FBXO28: variants seen among roughly 807,000 people sequenced by gnomAD.
FBXO28 encodes the protein F-box protein 28.
Under a neutral mutation model 38.1 loss-of-function variants are expected in FBXO28, and 8 were observed. The observed-to-expected ratio is 0.21, with a 90% CI of 0.12 to 0.38. FBXO28 has a LOEUF of 0.38. Among genes scored for constraint, FBXO28 ranks in the 10% least tolerant of loss-of-function variants. FBXO28 has a pLI of 1.00. For synonymous variants in FBXO28, 168 were observed against 173.8 expected (o/e 0.97, Z 0.26); for missense variants, 345 against 460.6 (o/e 0.75, Z 2.30).
chr1:224,114,466 G>A (rs1656596203), intron 1 of FBXO28, 70 bp downstream of exon 1: 3 of 1,339,678 alleles, frequency 2.2e-6, no homozygotes, highest in South Asian at 1.5e-5. Flanking sequence ...AAGGGAGCGC[G>A]TTCCCCGGGA....
At chr1:224,132,784 G>A (rs555731232) in intron 2 of FBXO28, among the ~76,000 whole-genome samples, 26 of 147,756 alleles carry the variant, frequency 1.8e-4, no homozygotes, top group East Asian at 9.9e-4. Context: ...CAGCCTGGGC[G>A]ACAGAGTGAG....
intron 3 of FBXO28, among the ~76,000 whole-genome samples, chr1:224,136,985 C>A (rs1253933472): frequency 6.6e-6 from 1 of 151,394 alleles, no homozygotes; most frequent in East Asian, 2.0e-4. Flanking sequence ...CTCCTGATCT[C>A]AAGTGATCCG....
intron 1 of FBXO28, among the ~76,000 whole-genome samples, chr1:224,125,645 T>C (rs1435072839): frequency 3.3e-5 from 5 of 151,386 alleles, no homozygotes; most frequent in African/African-American, 1.2e-4. Flanking sequence ...TCATTCTCTT[T>C]TTTTTTTTTT....
intron 1 of FBXO28, among the ~76,000 whole-genome samples, chr1:224,121,411 C>T (rs1656771311): frequency 6.6e-6 from 1 of 152,112 alleles, no homozygotes; most frequent in South Asian, 2.1e-4. Context: ...TGTAATTCTA[C>T]CAGCAGATAA....
At chr1:224,147,764 G>T (rs748538721) in intron 3 of FBXO28, among the ~76,000 whole-genome samples, 8 of 150,142 alleles carry the variant, frequency 5.3e-5, no homozygotes, top group South Asian at 4.2e-4. Context: ...CCTTCCTAAG[G>T]CCTGTGGTCT....
Position 224,158,305 on chromosome 1 carries a change from C to T in FBXO28, c.*559C>T. ...ATAGTATTGACTGTAGAAGGAGCCT[C>T]TACAATATTGACTATATATTTTTAT... On this transcript the variant is annotated 3_prime_UTR_variant, in exon 5 of 5. Transcript: ENST00000366862. 1.3e-6 allele frequency: 1 copy of T among 773,362 alleles called. No homozygotes were observed. Among genetic ancestry groups the T allele is most frequent in the South Asian group, 5.9e-5 (1 of 17,020 alleles). 47.9% of individuals were successfully genotyped at this position (773,362 alleles called of 1,614,324 possible). A position where few individuals can be genotyped will look rare whatever the true frequency, so the allele number is the denominator to read the frequency against.
In FBXO28 at chr1:224,162,005, G is replaced by A. The variant is rs748924158; in HGVS notation, c.*4259G>A. 2 of 152,112 alleles carry A rather than the reference G, an allele frequency of 1.3e-5. No homozygotes were observed. The highest frequency in any genetic ancestry group is 6.6e-5 in the Admixed American group (1 of 15,260). The allele number at this position is 152,112 out of a possible 1,614,324, so 9.4% of individuals were successfully genotyped here. A position where few individuals can be genotyped will look rare whatever the true frequency, so the allele number is the denominator to read the frequency against. On this transcript the variant is annotated 3_prime_UTR_variant, in exon 5 of 5. Coordinates refer to ENST00000366862, the MANE Select transcript of FBXO28 (RefSeq NM_015176.4). ...TATTGGAAAGTGAAAAACACCTCCC[G>A]GTCACACAACAGGGTACGTAAATAA...
Position 224,160,978 on chromosome 1 carries a change from C to T in FBXO28, c.*3232C>T, listed in dbSNP as rs2102641122. On this transcript the variant is annotated 3_prime_UTR_variant, in exon 5 of 5. Transcript: ENST00000366862. ...CTATGTGTAATAAAAATAATGGCAC[C>T]TTAAGATTGCACTATTTTATGCATT... The T allele has an allele frequency of 6.6e-6, 1 of 152,236 alleles. No homozygotes were observed. Among genetic ancestry groups the T allele is most frequent in the African/African-American group, 2.4e-5 (1 of 41,542 alleles). The allele number at this position is 152,236 out of a possible 1,614,324, so 9.4% of individuals were successfully genotyped here.
chr1:224,149,021 C>T (rs532268170), intron 3 of FBXO28, among the ~76,000 whole-genome samples: 6 of 152,230 alleles, frequency 3.9e-5, no homozygotes, highest in African/African-American at 1.4e-4. Context: ...TGGATAGGAT[C>T]TGTGTCTTAT....
In FBXO28 at chr1:224,132,047, G is replaced by A. The variant is rs142852690; in HGVS notation, c.377+1466G>A. Reference sequence around the variant, plus strand: ...GTGGGTGGATCACCTGAGGTCAGGAGTTCAAGACCAGCCTGGGCAGCATAG... The same window carrying A: ...GTGGGTGGATCACCTGAGGTCAGGAATTCAAGACCAGCCTGGGCAGCATAG... On this transcript the variant is annotated intron_variant, in intron 2 of 4. Transcript: ENST00000366862. 1.7e-4 allele frequency among the ~76,000 whole-genome samples: 26 copies of A among 152,268 alleles called. No individual in the cohort carries two copies. The East Asian group carries it at 4.8e-3, about 28-fold the overall frequency.
chr1:224,155,783 G>A (rs1010914735), intron 4 of FBXO28, among the ~76,000 whole-genome samples: 7 of 152,258 alleles, frequency 4.6e-5, no homozygotes, highest in Admixed American at 2.0e-4. Context: ...CCTATTATGC[G>A]CACAGCACTG....
At chr1:224,157,116 C>T (rs1483703691) in intron 4 of FBXO28, among the ~76,000 whole-genome samples, 2 of 152,080 alleles carry the variant, frequency 1.3e-5, no homozygotes, top group African/African-American at 4.8e-5. Flanking sequence ...TGCCCTTCTC[C>T]GTTTCCTGGC....
At chr1:224,123,310 G>C (rs1312499876) in intron 1 of FBXO28, among the ~76,000 whole-genome samples, 1 of 151,822 alleles carries the variant, frequency 6.6e-6, no homozygotes, top group African/African-American at 2.4e-5. Context: ...TTGGGAGACC[G>C]AGGTGGGTGG....
intron 3 of FBXO28, among the ~76,000 whole-genome samples, chr1:224,139,689 C>T (rs750851097): frequency 1.3e-5 from 2 of 151,940 alleles, no homozygotes; most frequent in African/African-American, 2.4e-5. Flanking sequence ...TGCAGTGAGC[C>T]GAGATTGCGC....
At chr1:224,143,884 C>T (rs1657432313) in intron 3 of FBXO28, among the ~76,000 whole-genome samples, 1 of 150,238 alleles carries the variant, frequency 6.7e-6, no homozygotes, top group Non-Finnish European at 1.5e-5. Flanking sequence ...TGGTGGCTCA[C>T]ACCGTAATCC....
intron 1 of FBXO28, among the ~76,000 whole-genome samples, chr1:224,121,919 G>A (rs1041679653): frequency 2.6e-5 from 4 of 152,120 alleles, no homozygotes. Flanking sequence ...GGGATTACAG[G>A]CCTGCACCAC....
chr1:224,120,318 C>T (rs375278350), intron 1 of FBXO28, among the ~76,000 whole-genome samples: 4 of 152,176 alleles, frequency 2.6e-5, no homozygotes, highest in South Asian at 2.1e-4. Context: ...TTTCCTGTTT[C>T]GCTCTCCTAG....
chr1:224,130,678 G>T (rs1323943909), intron 2 of FBXO28, 97 bp downstream of exon 2: 2 of 726,070 alleles, frequency 2.8e-6, no homozygotes, highest in Non-Finnish European at 4.7e-6. Context: ...TGCTTCCCAA[G>T]TTTTTATAGC....
intron 3 of FBXO28, among the ~76,000 whole-genome samples, chr1:224,148,594 A>C (rs1231522288): frequency 6.6e-6 from 1 of 152,014 alleles, no homozygotes; most frequent in African/African-American, 2.4e-5. Context: ...CCTGGGAGGC[A>C]GAGCTTGCAG....
Sources: gnomAD v4.1 joint callset for allele counts (sites outside exome capture counted in the v4.1 genomes callset) on GRCh38, gnomAD v4.1.1 for gene constraint, MANE v1.5 for transcripts, NCBI Gene and HGNC (gene_info 2026-07-23, HGNC 2026-07-21) for gene names.